AGMO: variants seen among roughly 807,000 people sequenced by gnomAD.
AGMO encodes the protein glyceryl-ether monooxygenase.
AGMO carries 75 observed loss-of-function variants against 60.2 expected under a neutral mutation model. That is an observed-to-expected ratio of 1.25 (90% CI 1.03 to 1.51). The LOEUF (loss-of-function observed/expected upper bound fraction) is 1.51, where lower values mean the gene tolerates loss of function less well. AGMO is among the 40% of genes most tolerant of loss of function. AGMO has a pLI of 0.00. For missense variants in AGMO, 763 were observed against 525.5 expected (o/e 1.45, Z -4.42); for synonymous variants, 261 against 177.1 (o/e 1.47, Z -3.76).
At position 15,389,304 on chromosome 7, in the gene AGMO, G is replaced by T. The variant is rs76497201; in HGVS notation, c.822+1367C>A. ...CTGCCCCTAGAGGATAGAGATGAAG[G>T]TGTCTCTTTTTTAATGACTGCAATA... On this transcript the variant is annotated intron_variant, in intron 8 of 12. Transcript: ENST00000342526. Among the ~76,000 whole-genome samples the T allele has an allele frequency of 6.4e-3, 653 of 102,252 alleles. 18 individuals are homozygous for T. The highest frequency in any genetic ancestry group is 0.049 in the East Asian group (212 of 4,358). The allele number at this position is 102,252 out of a possible 152,430, so 67.1% of individuals were successfully genotyped here.
At chr7:15,181,812 G>A in the AGMO span, among the ~76,000 whole-genome samples, 2 of 152,292 alleles carry the variant, frequency 1.3e-5, no homozygotes, top group Non-Finnish European at 2.9e-5. Context: ...TGCATTGATT[G>A]ATAGTGGGTG....
chr7:15,170,745 T>C, the AGMO span, among the ~76,000 whole-genome samples: 1 of 152,116 alleles, frequency 6.6e-6, no homozygotes. Context: ...CTTAGTTTTT[T>C]CCTCAGGTCC....
At chr7:15,335,465 C>T (rs1419997273) in intron 12 of AGMO, among the ~76,000 whole-genome samples, 3 of 151,980 alleles carry the variant, frequency 2.0e-5, no homozygotes, top group Non-Finnish European at 2.9e-5. Flanking sequence ...TTAGAAAGGT[C>T]GACAACTTTT....
chr7:15,393,078 G>T (rs1784217361), intron 6 of AGMO, among the ~76,000 whole-genome samples: 1 of 152,188 alleles, frequency 6.6e-6, no homozygotes, highest in African/African-American at 2.4e-5. Context: ...TGTGAAAGTC[G>T]AAGAATTAAA....
chr7:15,334,207 AAAC>A (rs1217091465), intron 12 of AGMO, among the ~76,000 whole-genome samples: 3 of 152,134 alleles, frequency 2.0e-5, no homozygotes, highest in East Asian at 1.9e-4. Context: ...TTGAAATGCT[AAAC>A]ATCATATTGA....
At chr7:15,408,276 A>C (rs1249506117) in intron 5 of AGMO, among the ~76,000 whole-genome samples, 3 of 151,858 alleles carry the variant, frequency 2.0e-5, no homozygotes, top group African/African-American at 7.2e-5. Context: ...CTTGGGGACA[A>C]GGGAAAGTCA....
chr7:15,513,701 A>AT, intron 3 of AGMO, among the ~76,000 whole-genome samples: 1 of 152,182 alleles, frequency 6.6e-6, no homozygotes, highest in African/African-American at 2.4e-5. Flanking sequence ...ATCTCTCACT[A>AT]TTTTGGCATC....
chr7:15,461,390 T>G (rs1475498891), intron 3 of AGMO, among the ~76,000 whole-genome samples: 2 of 152,064 alleles, frequency 1.3e-5, no homozygotes, highest in African/African-American at 4.8e-5. Context: ...AATATTTCTT[T>G]TCAATATTAC....
intron 12 of AGMO, among the ~76,000 whole-genome samples, chr7:15,303,064 G>A (rs1396204220): frequency 6.6e-6 from 1 of 152,110 alleles, no homozygotes. Flanking sequence ...CACACAGGGA[G>A]AACAGAATTA....
chr7:15,183,940 T>A, the AGMO span, among the ~76,000 whole-genome samples: 2 of 152,304 alleles, frequency 1.3e-5, no homozygotes, highest in Admixed American at 1.3e-4. Context: ...CCAAGCACAG[T>A]TTTCTATAAA....
At chr7:15,433,278 G>A (rs1396670741) in intron 3 of AGMO, among the ~76,000 whole-genome samples, 1 of 152,024 alleles carries the variant, frequency 6.6e-6, no homozygotes, top group Non-Finnish European at 1.5e-5. Flanking sequence ...CCACAAAGGT[G>A]GAGGTTAAAG....
At chr7:15,282,470 GA>G (rs1783995407) in intron 12 of AGMO, among the ~76,000 whole-genome samples, 1 of 152,006 alleles carries the variant, frequency 6.6e-6, no homozygotes, top group Admixed American at 6.6e-5. Flanking sequence ...CCAAGTAGAA[GA>G]AAGAATTTCA....
rs769014171 is a variant in AGMO at position 15,387,490 on chromosome 7, G to A, written c.873C>T (p.Phe291=). Residue 291 remains phenylalanine (F), a synonymous_variant, in exon 9 of 13, where the codon TTC becomes TTT. Coordinates refer to ENST00000342526, the MANE Select transcript of AGMO (RefSeq NM_001004320.2). ...TAAATATGACAGAAAACTTATTGAA[G>A]AATCCAGGTGTGGCCCAGAATGTAG... is the stretch of plus-strand genomic sequence containing the variant. The part of the protein sequence containing the change: ...IWTTFWATPG[F]FNKFSVIFKG... 1.1e-5 allele frequency: 17 copies of A among 1,613,908 alleles called. No individual in the cohort carries two copies. The highest frequency in any genetic ancestry group is 1.4e-5 in the Non-Finnish European group (17 of 1,179,892).
rs200494615 is a variant in AGMO at position 15,323,320 on chromosome 7, ATTG to A, written c.1263+42191_1263+42193del. 8.3e-3 allele frequency among the ~76,000 whole-genome samples: 1,271 copies of A among 152,246 alleles called. 5 individuals carry two copies. The highest frequency in any genetic ancestry group is 0.017 in the South Asian group (80 of 4,830). ...TTTAACTTTTTGTTTGTATATTTAT[ATTG>A]TTTATTTTTGTTAATACATTGATAT... On this transcript the variant is annotated intron_variant, in intron 12 of 12. Transcript: ENST00000342526.
chr7:15,427,684 TATC>T (rs1781106294), intron 4 of AGMO, among the ~76,000 whole-genome samples: 1 of 148,856 alleles, frequency 6.7e-6, no homozygotes, highest in African/African-American at 2.5e-5. Context: ...ATTTTATTAT[TATC>T]ATTATTTTAT....
In AGMO at chr7:15,285,640, G is replaced by A. The variant is rs151274549; in HGVS notation, c.1263+79874C>T. 3.8e-4 allele frequency among the ~76,000 whole-genome samples: 57 copies of A among 152,000 alleles called. No individual in the cohort carries two copies. In the East Asian group the frequency reaches 6.0e-3, roughly 16 times the overall value. On this transcript the variant is annotated intron_variant, in intron 12 of 12. Transcript: ENST00000342526. ...CAGAATCAATATCATGAAAATGACC[G>A]TACTGCCCAAAGCAATCTACAGATT...
intron 12 of AGMO, among the ~76,000 whole-genome samples, chr7:15,322,005 GC>G (rs1021796458): frequency 1.3e-5 from 2 of 151,616 alleles, no homozygotes; most frequent in African/African-American, 4.8e-5. Context: ...AAGAGGTTAG[GC>G]TTTTTTCTTA....
intron 5 of AGMO, among the ~76,000 whole-genome samples, chr7:15,404,254 G>C (rs879732122): frequency 1.3e-5 from 2 of 151,834 alleles, no homozygotes; most frequent in Non-Finnish European, 2.9e-5. Flanking sequence ...AAAGGACTGC[G>C]TTTATAATAA....
chr7:15,303,079 T>C (rs1386912165), intron 12 of AGMO, among the ~76,000 whole-genome samples: 1 of 152,138 alleles, frequency 6.6e-6, no homozygotes, highest in Non-Finnish European at 1.5e-5. Flanking sequence ...GAATTAATTG[T>C]ATTCTTACAG....
Sources: gnomAD v4.1 joint callset for allele counts (sites outside exome capture counted in the v4.1 genomes callset) on GRCh38, gnomAD v4.1.1 for gene constraint, MANE v1.5 for transcripts, NCBI Gene and HGNC (gene_info 2026-07-23, HGNC 2026-07-21) for gene names.